SP7: variants seen among roughly 807,000 people sequenced by gnomAD.
The protein encoded by SP7 is transcription factor Sp7.
Under a neutral mutation model 27.9 loss-of-function variants are expected in SP7, and 13 were observed. That is an observed-to-expected ratio of 0.47 (90% CI 0.30 to 0.74). SP7 has a LOEUF of 0.74. SP7 is among the 30% of genes least tolerant of loss of function. SP7 has a pLI of 0.06. For missense variants in SP7, 525 were observed against 558.0 expected (o/e 0.94, Z 0.60); for synonymous variants, 219 against 226.7 (o/e 0.97, Z 0.31).
upstream of SP7, among the ~76,000 whole-genome samples, chr12:53,337,942 A>G (rs1944786156): frequency 6.6e-6 from 1 of 152,130 alleles, no homozygotes; most frequent in Admixed American, 6.6e-5. Flanking sequence ...AGGAAACAGG[A>G]AAACAGAAGA....
chr12:53,331,313 T>C (rs1201931701), intron 2 of SP7, among the ~76,000 whole-genome samples: 1 of 151,342 alleles, frequency 6.6e-6, no homozygotes, highest in Non-Finnish European at 1.5e-5. Context: ...CTACTAAAAA[T>C]ATAAAAAAAT....
chr12:53,343,894 A>C (rs1944842561), intron 1 of SP7, among the ~76,000 whole-genome samples: 2 of 151,816 alleles, frequency 1.3e-5, no homozygotes, highest in African/African-American at 4.8e-5. Context: ...AAAATACAAA[A>C]ATTGGCTGTG....
At chr12:53,337,097 C>T (rs139936269), upstream of SP7, among the ~76,000 whole-genome samples, 41 of 152,238 alleles carry the variant, frequency 2.7e-4, no homozygotes, top group East Asian at 6.0e-3. Flanking sequence ...GGATTATTTC[C>T]CCCAAAAAGA....
chr12:53,329,606 A>G (rs1383033152), intron 2 of SP7, among the ~76,000 whole-genome samples, 186 bp from the exon 3 acceptor site: 1 of 152,196 alleles, frequency 6.6e-6, no homozygotes, highest in Non-Finnish European at 1.5e-5. Context: ...GGGCAGACTC[A>G]TGGAGTCGTG....
intron 2 of SP7, among the ~76,000 whole-genome samples, chr12:53,329,985 C>T (rs1398473460): frequency 6.6e-6 from 1 of 151,984 alleles, no homozygotes; most frequent in African/African-American, 2.4e-5. Flanking sequence ...CCGCCCACCT[C>T]GGCCTCCCAA....
intron 1 of SP7, among the ~76,000 whole-genome samples, chr12:53,342,794 G>A (rs1259924220): frequency 6.6e-6 from 1 of 151,584 alleles, no homozygotes; most frequent in Non-Finnish European, 1.5e-5. Flanking sequence ...CAGCCTAGGT[G>A]ACACAGAGAG....
rs1944670404 is a variant in SP7 at position 53,329,025 on chromosome 12, G to A, written c.417C>T (p.Tyr139=). The A allele has an allele frequency of 1.2e-6, 2 of 1,613,644 alleles. No individual in the cohort carries two copies. Among genetic ancestry groups the A allele is most frequent in the Non-Finnish European group, 8.5e-7 (1 of 1,179,812 alleles). The change falls in exon 3 of 3, where the codon TAC becomes TAT. Residue 139 remains tyrosine (Y), a synonymous_variant. Transcript: ENST00000536324. ...AAATGCCTGCATGGATGCCTGCCTTGTACCAGGAGCCATAGGGGTGTGTCA... is the reference window on the plus strand; with the variant it reads ...AAATGCCTGCATGGATGCCTGCCTTATACCAGGAGCCATAGGGGTGTGTCA... ...LDMTHPYGSW[Y]KAGIHAGISP...
At chr12:53,333,536 G>A (rs950689942) in intron 2 of SP7, among the ~76,000 whole-genome samples, 1 of 152,130 alleles carries the variant, frequency 6.6e-6, no homozygotes, top group African/African-American at 2.4e-5. Flanking sequence ...TCTCAGGGCT[G>A]ACTGGCCTTA....
At position 53,329,128 on chromosome 12, in the gene SP7, G is replaced by A; in HGVS notation, c.314C>T (p.Thr105Ile). The A allele has an allele frequency of 1.2e-6, 2 of 1,613,862 alleles. No homozygotes were observed. The highest frequency in any genetic ancestry group is 1.7e-6 in the Non-Finnish European group (2 of 1,179,878). Reference sequence around the variant, plus strand: ...GGGCACTAGTAGCCCAGGGTCCTGGGTGCCTGTGGGCCCAGGGAATGAGTG... The same window carrying A: ...GGGCACTAGTAGCCCAGGGTCCTGGATGCCTGTGGGCCCAGGGAATGAGTG... The part of the protein sequence containing the change: ...FSHSFPGPTG[T>I]QDPGLLVPKG... The change falls in exon 3 of 3, where the codon ACC (threonine) becomes ATC (isoleucine). Residue 105 changes from threonine to isoleucine, a missense_variant. Thr to Ile is a moderately conservative substitution (Grantham distance 89). Coordinates refer to ENST00000536324, the MANE Select transcript of SP7 (RefSeq NM_001173467.3).
At chr12:53,329,796 ACC>A (rs1944683244) in intron 2 of SP7, among the ~76,000 whole-genome samples, 1 of 150,162 alleles carries the variant, frequency 6.7e-6, no homozygotes, top group Admixed American at 6.6e-5. Context: ...CAATGGTGTG[ACC>A]TCGGCTCACT....
chr12:53,335,684 A>T lies in SP7; in HGVS notation c.-38T>A. The T allele has an allele frequency of 9.9e-6, 6 of 608,870 alleles. No homozygotes were observed. Among genetic ancestry groups the T allele is most frequent in the Non-Finnish European group, 1.5e-5 (6 of 393,204 alleles). 37.7% of individuals were successfully genotyped at this position (608,870 alleles called of 1,614,324 possible). On this transcript the variant is annotated 5_prime_UTR_variant, in exon 2 of 3. Coordinates refer to ENST00000536324, the MANE Select transcript of SP7 (RefSeq NM_001173467.3). ...GAACGGGTCCCAAGGAGCCAGGCAG[A>T]TGGAGAGAGCTGAGCCGGGGGGTGG...
At chr12:53,338,123 G>A (rs1944788898), upstream of SP7, among the ~76,000 whole-genome samples, 1 of 151,092 alleles carries the variant, frequency 6.6e-6, no homozygotes. Context: ...GGAGGAGGAG[G>A]AGGAGGAGGA....
chr12:53,335,662 C>T lies in SP7; in HGVS notation c.-16G>A, dbSNP rs748598021. On this transcript the variant is annotated 5_prime_UTR_variant, in exon 2 of 3. Coordinates refer to ENST00000536324, the MANE Select transcript of SP7 (RefSeq NM_001173467.3). The stretch of plus-strand genomic sequence containing the variant: ...AGGACGCCATCCTGAGGCTGGGGAA[C>T]GGGTCCCAAGGAGCCAGGCAGATGG... 38 of 1,230,540 alleles carry T rather than the reference C, an allele frequency of 3.1e-5. No individual in the cohort carries two copies. The highest frequency in any genetic ancestry group is 2.0e-4 in the Admixed American group (8 of 40,990). The allele number at this position is 1,230,540 out of a possible 1,614,324, so 76.2% of individuals were successfully genotyped here.
chr12:53,335,800 G>A (rs1262885982), intron 1 of SP7, 107 bp from the exon 2 acceptor site: 3 of 1,418,066 alleles, frequency 2.1e-6, no homozygotes, highest in Non-Finnish European at 1.8e-6. Context: ...GTGGGGGGCT[G>A]CTCTCTGTCT....
chr12:53,335,064 T>G (rs897107798), intron 2 of SP7, among the ~76,000 whole-genome samples: 1 of 151,736 alleles, frequency 6.6e-6, no homozygotes, highest in Non-Finnish European at 1.5e-5. Flanking sequence ...CAGGCTGGCC[T>G]CCTCCTTTCT....
chr12:53,330,198 G>A (rs1328627666), intron 2 of SP7, among the ~76,000 whole-genome samples: 6 of 151,966 alleles, frequency 3.9e-5, no homozygotes, highest in African/African-American at 7.3e-5. Flanking sequence ...ACAGCCGCAC[G>A]CCACCACATT....
At chr12:53,335,280 C>T (rs1457399658) in intron 2 of SP7, among the ~76,000 whole-genome samples, 1 of 150,148 alleles carries the variant, frequency 6.7e-6, no homozygotes, top group Non-Finnish European at 1.5e-5. Flanking sequence ...ACCCCTCTCT[C>T]CTCACTCCCC....
Position 53,327,732 on chromosome 12 carries a change from TAAG to T in SP7, c.*411_*413del, listed in dbSNP as rs552600157. On this transcript the variant is annotated 3_prime_UTR_variant, in exon 3 of 3. Coordinates refer to ENST00000536324, the MANE Select transcript of SP7 (RefSeq NM_001173467.3). Reference sequence around the variant, plus strand: ...TTCTGGAGAATGGAAAGCAATGGTGTAAGAAGTTGGGAAGACTGAAGCCTGGAG... The same window carrying T: ...TTCTGGAGAATGGAAAGCAATGGTGTAAGTTGGGAAGACTGAAGCCTGGAG... 587 of 191,964 alleles carry T rather than the reference TAAG, an allele frequency of 3.1e-3. 3 individuals carry two copies. The highest frequency in any genetic ancestry group is 0.013 in the African/African-American group (552 of 42,790). The allele number at this position is 191,964 out of a possible 1,614,324, so 11.9% of individuals were successfully genotyped here.
At position 53,332,880 on chromosome 12, in the gene SP7, C is replaced by A. The variant is rs151274504; in HGVS notation, c.21+2746G>T. 3.8e-3 allele frequency among the ~76,000 whole-genome samples: 578 copies of A among 152,254 alleles called. 7 individuals are homozygous for A. The highest frequency in any genetic ancestry group is 0.013 in the African/African-American group (548 of 41,544). ...CCCTCTCCCTCTGCCCAGCCCGGCT[C>A]CGATGGTTTCCCTGCGGTCGGTTTA... On this transcript the variant is annotated intron_variant, in intron 2 of 2. Coordinates refer to ENST00000536324, the MANE Select transcript of SP7 (RefSeq NM_001173467.3).
Sources: gnomAD v4.1 joint callset for allele counts (sites outside exome capture counted in the v4.1 genomes callset) on GRCh38, gnomAD v4.1.1 for gene constraint, MANE v1.5 for transcripts, NCBI Gene and HGNC (gene_info 2026-07-23, HGNC 2026-07-21) for gene names.